Variants in SEZ6L observed in about 807,000 individuals in gnomAD.
SEZ6L encodes the protein seizure related 6 homolog like.
Under a neutral mutation model 106.2 loss-of-function variants are expected in SEZ6L, and 37 were observed. That is an observed-to-expected ratio of 0.35 (90% confidence interval 0.27 to 0.46). The LOEUF (loss-of-function observed/expected upper bound fraction) is 0.46, where lower values mean the gene tolerates loss of function less well. Among genes scored for constraint, SEZ6L ranks in the 20% least tolerant of loss-of-function variants. The pLI, the probability that SEZ6L is intolerant of heterozygous loss-of-function variation, is 1.00. For synonymous variants in SEZ6L, 541 were observed against 570.4 expected, an observed-to-expected ratio of 0.95 and a Z score of 0.73; for missense variants, 1,172 against 1,332.8, an observed-to-expected ratio of 0.88 and a Z score of 1.88.
At chr22:26,372,607 T>C (rs1345365746) in intron 13 of SEZ6L, among the ~76,000 whole-genome samples, 1 of 152,182 alleles carries the variant, frequency 6.6e-6, no homozygotes, top group East Asian at 1.9e-4. Flanking sequence ...TATCCCCTAA[T>C]GCTGCAATTT....
intron 1 of SEZ6L, among the ~76,000 whole-genome samples, chr22:26,211,094 G>A (rs1408858357): frequency 6.6e-6 from 1 of 152,076 alleles, no homozygotes; most frequent in Non-Finnish European, 1.5e-5. Flanking sequence ...TTAAGCTTTG[G>A]AAGCCTCAAG....
chr22:26,365,535 C>G lies in SEZ6L; in HGVS notation c.2763C>G (p.Ser921=). Residue 921 remains serine (S), a synonymous_variant, in exon 13 of 17, where the codon TCC becomes TCG. Coordinates refer to ENST00000248933, the MANE Select transcript of SEZ6L (RefSeq NM_021115.5). ...VTIRCILGQP[S]HWNGPLPVCK... is the part of the protein sequence containing the mutation. ...TCCGCTGCATCCTGGGACAGCCATC[C>G]CACTGGAACGGGCCCCTGCCCGTGT... 6.2e-7 allele frequency: 1 copy of G among 1,614,086 alleles called. No homozygotes were observed. Among genetic ancestry groups the G allele is most frequent in the African/African-American group, 1.3e-5 (1 of 75,038 alleles).
intron 9 of SEZ6L, among the ~76,000 whole-genome samples, chr22:26,315,303 C>T (rs895681173): frequency 2.0e-5 from 3 of 151,966 alleles, no homozygotes; most frequent in African/African-American, 7.3e-5. Context: ...AACATAGAGG[C>T]ATCCTGTCTC....
In SEZ6L at chr22:26,380,163, G is replaced by T; in HGVS notation, c.3046-103G>T. On this transcript the variant is annotated intron_variant, in intron 16 of 16. Transcript: ENST00000248933. Reference sequence around the variant, plus strand: ...GAGTGGGAGGGCACTGAAAAGTCACGACCAAGGGCATGGACATACAGAGGT... The same window carrying T: ...GAGTGGGAGGGCACTGAAAAGTCACTACCAAGGGCATGGACATACAGAGGT... 3.5e-6 allele frequency: 4 copies of T among 1,129,050 alleles called. No individual in the cohort carries two copies. The South Asian group carries it at 4.2e-5, about 12-fold the overall frequency. 69.9% of individuals were successfully genotyped at this position (1,129,050 alleles called of 1,614,324 possible).
chr22:26,217,420 C>A (rs1203841175), intron 1 of SEZ6L, among the ~76,000 whole-genome samples: 1 of 152,220 alleles, frequency 6.6e-6, no homozygotes, highest in East Asian at 1.9e-4. Context: ...GGCTTTTGCA[C>A]CTGCTGTTCC....
At chr22:26,249,246 C>T (rs901844482) in intron 1 of SEZ6L, among the ~76,000 whole-genome samples, 1 of 152,136 alleles carries the variant, frequency 6.6e-6, no homozygotes, top group Non-Finnish European at 1.5e-5. Context: ...CCATCTAGTG[C>T]TATAGAACAT....
chr22:26,190,240 G>A (rs1314295942), intron 1 of SEZ6L, among the ~76,000 whole-genome samples: 4 of 152,044 alleles, frequency 2.6e-5, no homozygotes, highest in African/African-American at 7.2e-5. Context: ...AGGTTACCAC[G>A]AAACAAATTT....
At chr22:26,261,044 T>C (rs2079986987) in intron 1 of SEZ6L, among the ~76,000 whole-genome samples, 1 of 152,144 alleles carries the variant, frequency 6.6e-6, no homozygotes, top group Non-Finnish European at 1.5e-5. Context: ...TTGAGAATTA[T>C]CTATTCATGT....
chr22:26,268,752 C>G (rs2080267703), intron 1 of SEZ6L, among the ~76,000 whole-genome samples: 1 of 152,172 alleles, frequency 6.6e-6, no homozygotes, highest in African/African-American at 2.4e-5. Flanking sequence ...CCAGTAGTAC[C>G]ACTGCCCTAG....
chr22:26,322,557 A>G (rs2082186253), intron 9 of SEZ6L, among the ~76,000 whole-genome samples: 1 of 152,240 alleles, frequency 6.6e-6, no homozygotes, highest in Admixed American at 6.5e-5. Flanking sequence ...TGAGAAGGTG[A>G]CATCCAGAAG....
chr22:26,198,933 T>C (rs1940754962), intron 1 of SEZ6L, among the ~76,000 whole-genome samples: 1 of 152,222 alleles, frequency 6.6e-6, no homozygotes, highest in African/African-American at 2.4e-5. Flanking sequence ...GATGTGGCCA[T>C]GTGGCATGTT....
chr22:26,365,595 C>A (rs1568948432), intron 13 of SEZ6L, 29 bp downstream of exon 13: 1 of 1,584,808 alleles, frequency 6.3e-7, no homozygotes, highest in Non-Finnish European at 8.6e-7. Flanking sequence ...CACACAGGGT[C>A]CACGGGGCCT....
Position 26,334,160 on chromosome 22 carries a change from T to C in SEZ6L, c.2016-6276T>C, listed in dbSNP as rs576288882. 4.6e-5 allele frequency among the ~76,000 whole-genome samples: 7 copies of C among 152,264 alleles called. No homozygotes were observed. In the South Asian group the frequency reaches 1.4e-3, roughly 32 times the overall value. ...CAATTAGTCATTTTAACATATACAA[T>C]ATATATATCTACATATGTGATACAT... is the stretch of plus-strand genomic sequence containing the variant. On this transcript the variant is annotated intron_variant, in intron 9 of 16. Coordinates refer to ENST00000248933, the MANE Select transcript of SEZ6L (RefSeq NM_021115.5).
chr22:26,339,062 A>G (rs942548299), intron 9 of SEZ6L, among the ~76,000 whole-genome samples: 4 of 151,870 alleles, frequency 2.6e-5, no homozygotes, highest in African/African-American at 9.7e-5. Context: ...GTTTCAGAGC[A>G]AGAAGCATCA....
At chr22:26,194,240 T>C (rs563388390) in intron 1 of SEZ6L, among the ~76,000 whole-genome samples, 1 of 152,322 alleles carries the variant, frequency 6.6e-6, no homozygotes, top group South Asian at 2.1e-4. Context: ...AAAATGAAGA[T>C]CTTTTTGAAG....
rs1287151885 is a variant in SEZ6L, at chr22:26,380,585, C to T, written c.*290C>T. 2 of 358,092 alleles carry T rather than the reference C, an allele frequency of 5.6e-6. No homozygotes were observed. The highest frequency in any genetic ancestry group is 1.0e-5 in the Non-Finnish European group (2 of 194,730). 22.2% of individuals were successfully genotyped at this position (358,092 alleles called of 1,614,324 possible). On this transcript the variant is annotated 3_prime_UTR_variant, in exon 17 of 17. Transcript: ENST00000248933. ...AAACCGCGGCAGCAAAAACACAAAA[C>T]AGCAGATGGAGTTTCTCCCATCAGC... is the stretch of plus-strand genomic sequence containing the variant.
rs537154642 is a variant in SEZ6L, at chr22:26,329,895, G to T, written c.2016-10541G>T. ...ATAAATATTTTATCAAAGTTTTATTGCATACAACGGAATTTACAGGTTTTG... is the reference window on the plus strand; with the variant it reads ...ATAAATATTTTATCAAAGTTTTATTTCATACAACGGAATTTACAGGTTTTG... On this transcript the variant is annotated intron_variant, in intron 9 of 16. Transcript: ENST00000248933. Among the ~76,000 whole-genome samples, 3 of 152,316 alleles carry T rather than the reference G, an allele frequency of 2.0e-5. No individual in the cohort carries two copies. The South Asian group carries it at 6.2e-4, about 32-fold the overall frequency.
chr22:26,306,443 A>T (rs113666772), intron 6 of SEZ6L, among the ~76,000 whole-genome samples: 1 of 152,178 alleles, frequency 6.6e-6, no homozygotes, highest in African/African-American at 2.4e-5. Context: ...TTGCAGTTGA[A>T]CAAAAAGAGA....
intron 3 of SEZ6L, 124 bp downstream of exon 3, chr22:26,294,549 CT>C: frequency 2.2e-6 from 2 of 930,118 alleles, no homozygotes; most frequent in Non-Finnish European, 3.2e-6. Flanking sequence ...ACCAGGCCAA[CT>C]TTAGCTGGGT....
Sources: allele counts gnomAD v4.1 joint callset (sites outside exome capture counted in the v4.1 genomes callset), GRCh38; gene constraint gnomAD v4.1.1; transcripts MANE v1.5; gene names NCBI Gene and HGNC (gene_info 2026-07-23, HGNC 2026-07-21).